ARHGAP42: variants seen among roughly 807,000 people sequenced by gnomAD.
ARHGAP42 encodes rho GTPase-activating protein 42.
A neutral mutation model predicts 125.0 loss-of-function variants in ARHGAP42; 63 were observed. The observed-to-expected ratio is 0.50, with a 90% CI of 0.41 to 0.62. ARHGAP42 has a LOEUF of 0.62. ARHGAP42 is among the 20% of genes least tolerant of loss of function. ARHGAP42 has a pLI of 0.00. For synonymous variants in ARHGAP42, 339 were observed against 351.0 expected (o/e 0.97, Z 0.38); for missense variants, 766 against 1,024.2 (o/e 0.75, Z 3.44).
intron 3 of ARHGAP42, among the ~76,000 whole-genome samples, chr11:100,825,425 C>T (rs985837660): frequency 2.0e-5 from 3 of 152,118 alleles, no homozygotes; most frequent in Non-Finnish European, 4.4e-5. Context: ...GCTCTGAAAC[C>T]TTTAATGGCA....
intron 3 of ARHGAP42, among the ~76,000 whole-genome samples, chr11:100,845,565 G>A (rs570635959): frequency 1.3e-5 from 2 of 152,124 alleles, no homozygotes; most frequent in African/African-American, 4.8e-5. Context: ...GAGAGGAGGC[G>A]GTGATGGTAA....
intron 4 of ARHGAP42, among the ~76,000 whole-genome samples, chr11:100,885,530 A>G (rs1487297970): frequency 6.6e-6 from 1 of 152,174 alleles, no homozygotes; most frequent in Non-Finnish European, 1.5e-5. Context: ...CACTTTAAAA[A>G]CCAATTATTT....
intron 1 of ARHGAP42, among the ~76,000 whole-genome samples, chr11:100,715,486 CA>C (rs1253218169): frequency 6.6e-6 from 1 of 152,132 alleles, no homozygotes; most frequent in African/African-American, 2.4e-5. Flanking sequence ...ACTGGCTTGC[CA>C]TGGATTTTAG....
chr11:100,875,107 C>CTCTCTGTGTG (rs1384655603), intron 4 of ARHGAP42, among the ~76,000 whole-genome samples: 1 of 82,280 alleles, frequency 1.2e-5, no homozygotes, highest in Non-Finnish European at 2.4e-5. Context: ...CTCTCTCTCT[C>CTCTCTGTGTG]TGTGTGTGTG....
intron 1 of ARHGAP42, among the ~76,000 whole-genome samples, chr11:100,753,612 G>C (rs998241459): frequency 3.3e-5 from 5 of 152,242 alleles, no homozygotes; most frequent in African/African-American, 1.2e-4. Flanking sequence ...TTAGTTGGCA[G>C]ATTTCTGTGA....
At chr11:100,818,737 C>T (rs1333527228) in intron 3 of ARHGAP42, among the ~76,000 whole-genome samples, 2 of 152,016 alleles carry the variant, frequency 1.3e-5, no homozygotes, top group South Asian at 2.1e-4. Context: ...CGAAGTGGTA[C>T]GGTGTATTTT....
chr11:100,932,150 A>G (rs979697386), intron 6 of ARHGAP42, among the ~76,000 whole-genome samples: 9 of 152,320 alleles, frequency 5.9e-5, no homozygotes, highest in South Asian at 2.1e-4. Flanking sequence ...TATCTGTTGG[A>G]AATCATAGCA....
At chr11:100,919,743 T>C (rs776073989) in intron 5 of ARHGAP42, among the ~76,000 whole-genome samples, 9 of 152,148 alleles carry the variant, frequency 5.9e-5, no homozygotes, top group Non-Finnish European at 1.0e-4. Flanking sequence ...CAAAATAACT[T>C]GTGGAATAGA....
At chr11:100,846,081 C>T (rs1221217579) in intron 3 of ARHGAP42, among the ~76,000 whole-genome samples, 2 of 152,110 alleles carry the variant, frequency 1.3e-5, no homozygotes, top group Non-Finnish European at 2.9e-5. Context: ...TACAAAGAAA[C>T]AAAGTTCCAG....
chr11:100,954,619 T>C (rs935314026), intron 12 of ARHGAP42, among the ~76,000 whole-genome samples: 5 of 152,150 alleles, frequency 3.3e-5, no homozygotes, highest in Non-Finnish European at 7.4e-5. Flanking sequence ...GTTCTGGAAG[T>C]TCTCAGATGT....
chr11:100,871,838 G>A (rs946009406), intron 4 of ARHGAP42, among the ~76,000 whole-genome samples: 2 of 152,128 alleles, frequency 1.3e-5, no homozygotes, highest in Non-Finnish European at 2.9e-5. Context: ...CTGCCTACCA[G>A]GTTCAAGCAA....
intron 16 of ARHGAP42, among the ~76,000 whole-genome samples, chr11:100,963,009 G>A (rs1857995691): frequency 6.6e-6 from 1 of 152,226 alleles, no homozygotes; most frequent in African/African-American, 2.4e-5. Context: ...TAAGTGTGGT[G>A]ATTATAAAGA....
chr11:100,961,803 A>G (rs1857963546), intron 15 of ARHGAP42, 35 bp downstream of exon 15: 1 of 1,514,182 alleles, frequency 6.6e-7, no homozygotes, highest in Admixed American at 2.0e-5. Context: ...CTCTGGATGT[A>G]ATCTCTGACT....
intron 3 of ARHGAP42, among the ~76,000 whole-genome samples, chr11:100,795,760 T>C (rs1591187227): frequency 6.6e-6 from 1 of 152,354 alleles, no homozygotes; most frequent in East Asian, 1.9e-4. Context: ...GTTCTCTGTT[T>C]ATGATGCAAT....
At chr11:100,876,897 C>T (rs1197600099) in intron 4 of ARHGAP42, among the ~76,000 whole-genome samples, 3 of 152,164 alleles carry the variant, frequency 2.0e-5, no homozygotes, top group Admixed American at 6.5e-5. Flanking sequence ...TTAATGCTCT[C>T]CAGAGACCAT....
At chr11:100,834,720 A>G (rs1048615300) in intron 3 of ARHGAP42, among the ~76,000 whole-genome samples, 1 of 152,060 alleles carries the variant, frequency 6.6e-6, no homozygotes, top group Non-Finnish European at 1.5e-5. Context: ...CCAAAAAAAG[A>G]ATAGAGGCTA....
intron 3 of ARHGAP42, among the ~76,000 whole-genome samples, chr11:100,812,128 A>T (rs1289760828): frequency 6.6e-6 from 1 of 152,084 alleles, no homozygotes; most frequent in African/African-American, 2.4e-5. Context: ...TGAATGAATG[A>T]GCCTTCATAT....
At chr11:100,888,337 A>T (rs969314752) in intron 4 of ARHGAP42, among the ~76,000 whole-genome samples, 2 of 152,178 alleles carry the variant, frequency 1.3e-5, no homozygotes, top group Non-Finnish European at 2.9e-5. Context: ...TTTCTTGTAA[A>T]GTGCCAAAAT....
intron 1 of ARHGAP42, among the ~76,000 whole-genome samples, chr11:100,728,831 T>A (rs1232392195): frequency 6.7e-6 from 1 of 150,136 alleles, no homozygotes; most frequent in African/African-American, 2.5e-5. Flanking sequence ...TGCAGTGGCG[T>A]GATCTCGGTT....
Sources: gnomAD v4.1 joint callset for allele counts (sites outside exome capture counted in the v4.1 genomes callset) on GRCh38, gnomAD v4.1.1 for gene constraint, MANE v1.5 for transcripts, NCBI Gene and HGNC (gene_info 2026-07-23, HGNC 2026-07-21) for gene names.